ZSWIM6: variants seen among roughly 807,000 people sequenced by gnomAD.
ZSWIM6 encodes zinc finger SWIM-type containing 6.
In ZSWIM6, 9 loss-of-function variants were observed where a neutral mutation model predicts 113.2. The ratio of observed to expected loss-of-function variants is 0.08; its 90% confidence interval spans 0.05 to 0.14. The LOEUF (loss-of-function observed/expected upper bound fraction) is 0.14, where lower values mean the gene tolerates loss of function less well. ZSWIM6 is among the 10% of genes least tolerant of loss of function. The pLI, the probability that ZSWIM6 is intolerant of heterozygous loss-of-function variation, is 1.00. For missense variants in ZSWIM6, 1,162 were observed against 1,552.2 expected, an observed-to-expected ratio of 0.75 and a Z score of 4.22; for synonymous variants, 611 against 606.5, an observed-to-expected ratio of 1.01 and a Z score of -0.11.
chr5:61,488,200 G>A (rs1748074154), intron 2 of ZSWIM6, among the ~76,000 whole-genome samples: 1 of 151,896 alleles, frequency 6.6e-6, no homozygotes, highest in Admixed American at 6.6e-5. Flanking sequence ...TTGCATCCCT[G>A]GTGTAAAACC....
chr5:61,374,065 A>G lies in ZSWIM6; in HGVS notation c.676+41117A>G, dbSNP rs537356415. Among the ~76,000 whole-genome samples the G allele has an allele frequency of 2.0e-5, 3 of 152,306 alleles. No individual in the cohort carries two copies. In the South Asian group the frequency reaches 6.2e-4, roughly 32 times the overall value. Reference sequence around the variant, plus strand: ...TTTCATCTACTTGATAAAAGATACTATACATGTGGTAATAATTCTGTAGGA... The same window carrying G: ...TTTCATCTACTTGATAAAAGATACTGTACATGTGGTAATAATTCTGTAGGA... On this transcript the variant is annotated intron_variant, in intron 1 of 13. Coordinates refer to ENST00000252744, the MANE Select transcript of ZSWIM6 (RefSeq NM_020928.2).
intron 1 of ZSWIM6, chr5:61,391,276 T>C (rs1745705706): frequency 1.1e-6 from 1 of 881,366 alleles, no homozygotes; most frequent in Non-Finnish European, 2.0e-6. Flanking sequence ...CTCAAGCCTC[T>C]CGTGGGCCCA....
At chr5:61,453,641 G>T (rs1035231795) in intron 1 of ZSWIM6, among the ~76,000 whole-genome samples, 1 of 151,922 alleles carries the variant, frequency 6.6e-6, no homozygotes, top group Non-Finnish European at 1.5e-5. Flanking sequence ...CTCCCAAAGT[G>T]CTGGGATTAC....
At chr5:61,394,653 A>G (rs1745802651) in intron 1 of ZSWIM6, among the ~76,000 whole-genome samples, 1 of 152,150 alleles carries the variant, frequency 6.6e-6, no homozygotes, top group Non-Finnish European at 1.5e-5. Context: ...GTTGTCCAAA[A>G]GAGAAAGGGA....
intron 1 of ZSWIM6, among the ~76,000 whole-genome samples, chr5:61,357,014 C>T (rs182711246): frequency 3.0e-4 from 45 of 151,552 alleles, no homozygotes; most frequent in Non-Finnish European, 4.3e-4. Context: ...ATGTAGTCTC[C>T]GGTTCAATAG....
At chr5:61,460,595 A>C (rs568084695) in intron 1 of ZSWIM6, among the ~76,000 whole-genome samples, 82 of 152,190 alleles carry the variant, frequency 5.4e-4, no homozygotes, top group African/African-American at 1.9e-3. Flanking sequence ...CTTATTTCCA[A>C]ATCCAACTTA....
At chr5:61,520,428 C>G (rs1308325013) in intron 4 of ZSWIM6, among the ~76,000 whole-genome samples, 2 of 152,126 alleles carry the variant, frequency 1.3e-5, no homozygotes. Flanking sequence ...CTTAATTATT[C>G]AAATTATGAA....
chr5:61,517,911 CA>C (rs1387021074), intron 4 of ZSWIM6, among the ~76,000 whole-genome samples: 2 of 149,186 alleles, frequency 1.3e-5, no homozygotes, highest in African/African-American at 4.9e-5. Flanking sequence ...CGTCATCTAG[CA>C]TTAGGTATAT....
chr5:61,417,334 GA>G (rs1746278440), intron 1 of ZSWIM6, among the ~76,000 whole-genome samples: 1 of 152,184 alleles, frequency 6.6e-6, no homozygotes, highest in Admixed American at 6.5e-5. Context: ...ATTATTAAAT[GA>G]AAATCACTCA....
intron 1 of ZSWIM6, among the ~76,000 whole-genome samples, chr5:61,371,046 G>A (rs1745252376): frequency 6.6e-6 from 1 of 152,336 alleles, no homozygotes; most frequent in South Asian, 2.1e-4. Context: ...AAACTGTCAG[G>A]TCTGCACCTG....
rs1423261108 is a variant in ZSWIM6, at chr5:61,539,609, G to A, written c.2553G>A (p.Arg851=). ...TGTTCATTGCAGGCGATGTTCGGAGGCTGGAAACAGTATTAGAATCCATCC... is the reference window on the plus strand; with the variant it reads ...TGTTCATTGCAGGCGATGTTCGGAGACTGGAAACAGTATTAGAATCCATCC... ...MLTAAKGDVR[R]LETVLESIQK... The change falls in exon 12 of 14, where the codon AGG becomes AGA. Residue 851 remains arginine (R), a synonymous_variant. Transcript: ENST00000252744. The A allele has an allele frequency of 5.8e-6, 9 of 1,551,214 alleles. No homozygotes were observed. The Admixed American group carries it at 1.6e-4, about 27-fold the overall frequency.
At chr5:61,456,254 C>T (rs1747203407) in intron 1 of ZSWIM6, among the ~76,000 whole-genome samples, 1 of 151,848 alleles carries the variant, frequency 6.6e-6, no homozygotes, top group Non-Finnish European at 1.5e-5. Flanking sequence ...AATCTGAAAC[C>T]AAATTTGTTT....
At chr5:61,334,894 T>A (rs374407531) in intron 1 of ZSWIM6, among the ~76,000 whole-genome samples, 30 of 121,974 alleles carry the variant, frequency 2.5e-4, no homozygotes, top group African/African-American at 8.2e-4. Flanking sequence ...ATGTTGAGGG[T>A]TTTTTTTTTT....
At chr5:61,408,708 C>T (rs1244804775) in intron 1 of ZSWIM6, among the ~76,000 whole-genome samples, 1 of 152,240 alleles carries the variant, frequency 6.6e-6, no homozygotes, top group Admixed American at 6.5e-5. Flanking sequence ...AAAGGAAGTG[C>T]ATTACAAAAT....
At chr5:61,369,249 A>G (rs1205497221) in intron 1 of ZSWIM6, among the ~76,000 whole-genome samples, 1 of 152,240 alleles carries the variant, frequency 6.6e-6, no homozygotes, top group African/African-American at 2.4e-5. Context: ...CTCAGTCCCT[A>G]TTAGAGAATT....
rs1004719142 is a variant in ZSWIM6, at chr5:61,332,351, A to AGCAGCG, written c.82_87dup (p.Ser28_Gly29dup). On this transcript the variant is annotated inframe_insertion, in exon 1 of 14. Coordinates refer to ENST00000252744, the MANE Select transcript of ZSWIM6 (RefSeq NM_020928.2). ...GGGCGGCGGCGGCGGCGGCGGGGGC[A>AGCAGCG]GCAGCGGCGGCGGCGGCGGCGCGGG... The AGCAGCG allele has an allele frequency of 2.0e-6, 2 of 998,054 alleles. No homozygotes were observed. The allele number at this position is 998,054 out of a possible 1,614,324, so 61.8% of individuals were successfully genotyped here.
At chr5:61,539,897 G>T in intron 12 of ZSWIM6, 138 bp downstream of exon 12, 1 of 851,568 alleles carries the variant, frequency 1.2e-6, no homozygotes, top group African/African-American at 1.7e-5. Context: ...CTTCAGGAGA[G>T]AACTGTATTT....
intron 3 of ZSWIM6, among the ~76,000 whole-genome samples, chr5:61,493,476 GTGT>G (rs1748235055): frequency 2.0e-5 from 3 of 152,106 alleles, no homozygotes; most frequent in Admixed American, 2.0e-4. Flanking sequence ...TAAAGGCCAA[GTGT>G]TATTATTATA....
chr5:61,431,538 G>A (rs1290262433), intron 1 of ZSWIM6, among the ~76,000 whole-genome samples: 1 of 151,888 alleles, frequency 6.6e-6, no homozygotes, highest in African/African-American at 2.4e-5. Flanking sequence ...AAGGTCAGGA[G>A]ATAGAGACCA....
Sources: allele counts gnomAD v4.1 joint callset (sites outside exome capture counted in the v4.1 genomes callset), GRCh38; gene constraint gnomAD v4.1.1; transcripts MANE v1.5; gene names NCBI Gene and HGNC (gene_info 2026-07-23, HGNC 2026-07-21).